CCDC187: variants seen among roughly 807,000 people sequenced by gnomAD.
CCDC187 encodes coiled-coil domain-containing protein 187.
In CCDC187, 32 loss-of-function variants were observed where a neutral mutation model predicts 38.0. That is an observed-to-expected ratio of 0.84 (90% CI 0.64 to 1.13). The LOEUF (loss-of-function observed/expected upper bound fraction) is 1.13, where lower values mean the gene tolerates loss of function less well. Ranked by LOEUF, CCDC187 falls within the 50% of genes most tolerant of loss-of-function variation. The pLI, the probability that CCDC187 is intolerant of heterozygous loss-of-function variation, is 0.00. For synonymous variants in CCDC187, 333 were observed against 347.9 expected, an observed-to-expected ratio of 0.96 and a Z score of 0.48; for missense variants, 707 against 786.8, an observed-to-expected ratio of 0.90 and a Z score of 1.21.
At chr9:136,275,442 C>CCA (rs1232670103) in intron 12 of CCDC187, among the ~76,000 whole-genome samples, 5,351 of 151,776 alleles carry the variant, frequency 0.035, 169 homozygotes, top group Admixed American at 0.12. Flanking sequence ...ATGTGTACTC[C>CCA]CACACACACA....
chr9:136,252,546 G>A lies in CCDC187; in HGVS notation c.*1048C>T, dbSNP rs1174914011. 1 of 197,470 alleles carries A rather than the reference G, an allele frequency of 5.1e-6. No homozygotes were observed. Among genetic ancestry groups the A allele is most frequent in the Non-Finnish European group, 1.1e-5 (1 of 93,574 alleles). The allele number at this position is 197,470 out of a possible 1,614,324, so 12.2% of individuals were successfully genotyped here. On this transcript the variant is annotated 3_prime_UTR_variant, in exon 26 of 26. Coordinates refer to ENST00000638797, the MANE Select transcript of CCDC187 (RefSeq NM_001378188.1). ...CGCCCACCCGGTCCACCGGGGAAAG[G>A]TCCAGGAGACTGTCCCGCACAGCCG...
chr9:136,290,467 A>G lies in CCDC187; in HGVS notation c.2127+19T>C, dbSNP rs1361102462. On this transcript the variant is annotated intron_variant, in intron 6 of 25. Transcript: ENST00000638797. ...CCCATGGCTGAGCCGAGTCCCCCCA[A>G]CCCAACCCCAGCATGTACCCCGGAC... The G allele has an allele frequency of 1.8e-5, 7 of 398,264 alleles. No homozygotes were observed. Among genetic ancestry groups the G allele is most frequent in the African/African-American group, 4.1e-5 (2 of 48,700 alleles). The allele number at this position is 398,264 out of a possible 1,614,324, so 24.7% of individuals were successfully genotyped here. A position where few individuals can be genotyped will look rare whatever the true frequency, so the allele number is the denominator to read the frequency against.
In CCDC187 at chr9:136,257,522, G is replaced by A. The variant is rs557505247; in HGVS notation, c.4367-681C>T. ...GCAGGGGTGGTGCAGAGGGCCGGTG[G>A]GGGGCAGGCCTCGGACACAGCAAGG... On this transcript the variant is annotated intron_variant, in intron 22 of 25. Coordinates refer to ENST00000638797, the MANE Select transcript of CCDC187 (RefSeq NM_001378188.1). The surrounding 1 kb of genome is among the most constrained non-coding windows in gnomAD (Gnocchi z 4.5). Among the ~76,000 whole-genome samples, 297 of 152,252 alleles carry A rather than the reference G, an allele frequency of 2.0e-3. 1 individual carries two copies. The highest frequency in any genetic ancestry group is 6.7e-3 in the African/African-American group (279 of 41,530).
rs2131117235 is a variant in CCDC187 at position 136,257,638 on chromosome 9, C to A, written c.4367-797G>T. Among the ~76,000 whole-genome samples, 1 of 152,280 alleles carries A rather than the reference C, an allele frequency of 6.6e-6. No individual in the cohort carries two copies. The highest frequency in any genetic ancestry group is 2.4e-5 in the African/African-American group (1 of 41,562). ...TCCCCAGGAGCACCAGGCCCCCCAG[C>A]ATTGCACCTCCATCTCCCTAGACTT... is the stretch of plus-strand genomic sequence containing the variant. On this transcript the variant is annotated intron_variant, in intron 22 of 25. Transcript: ENST00000638797. The surrounding 1 kb of genome is among the most constrained non-coding windows in gnomAD (Gnocchi z 4.5).
intron 9 of CCDC187, among the ~76,000 whole-genome samples, 192 bp from the exon 10 acceptor site, chr9:136,281,855 C>T (rs1353313577): frequency 6.6e-6 from 1 of 152,098 alleles, no homozygotes; most frequent in East Asian, 1.9e-4. Context: ...GGCCTGAGGC[C>T]TGGGAGCCAG....
intron 3 of CCDC187, 78 bp from the exon 4 acceptor site, chr9:136,297,899 C>G (rs953918979): frequency 1.0e-5 from 4 of 395,608 alleles, no homozygotes; most frequent in African/African-American, 8.2e-5. Context: ...ACGTGGCTAC[C>G]CCGGGGTCCT....
At chr9:136,289,295 A>G (rs1351585489) in intron 7 of CCDC187, among the ~76,000 whole-genome samples, 1 of 152,086 alleles carries the variant, frequency 6.6e-6, no homozygotes, top group Non-Finnish European at 1.5e-5. Flanking sequence ...AAGCAGGTGG[A>G]TCACCTGAGG....
intron 17 of CCDC187, 156 bp from the exon 18 acceptor site, chr9:136,263,954 G>T: frequency 2.6e-6 from 1 of 378,388 alleles, no homozygotes; most frequent in Non-Finnish European, 3.6e-6. Context: ...CTCCTGCCGG[G>T]CCTAGGATAC....
chr9:136,271,861 C>A (rs1384074612), intron 14 of CCDC187, among the ~76,000 whole-genome samples: 1 of 152,074 alleles, frequency 6.6e-6, no homozygotes, highest in African/African-American at 2.4e-5. Context: ...CCTGCCTGGG[C>A]CTCCCACAGT....
At chr9:136,278,710 T>A (rs1037201781) in intron 10 of CCDC187, among the ~76,000 whole-genome samples, 20,005 of 152,260 alleles carry the variant, frequency 0.13, 1,505 homozygotes, top group Admixed American at 0.2. Flanking sequence ...ACAGGACCCT[T>A]ACCCTCAGTG....
Position 136,250,899 on chromosome 9 carries a change from A to G in CCDC187, c.*2695T>C. ...TGGAGAGGGGCTCTTGCCTCACGGC[A>G]GGGGGCCCAAAGAGGTTCTAAGGGG... On this transcript the variant is annotated 3_prime_UTR_variant, in exon 26 of 26. Transcript: ENST00000638797. The G allele has an allele frequency of 2.2e-6, 1 of 451,914 alleles. No homozygotes were observed. Among genetic ancestry groups the G allele is most frequent in the East Asian group, 7.0e-5 (1 of 14,284 alleles). The allele number at this position is 451,914 out of a possible 1,614,324, so 28.0% of individuals were successfully genotyped here. A position where few individuals can be genotyped will look rare whatever the true frequency, so the allele number is the denominator to read the frequency against.
At chr9:136,298,723 C>A (rs1045447322) in intron 3 of CCDC187, among the ~76,000 whole-genome samples, 11 of 152,250 alleles carry the variant, frequency 7.2e-5, no homozygotes, top group Non-Finnish European at 1.5e-4. Context: ...TGTGATCCCA[C>A]TCTATGCGGT....
intron 7 of CCDC187, 48 bp downstream of exon 7, chr9:136,289,911 C>CA: frequency 7.7e-6 from 3 of 391,728 alleles, no homozygotes; most frequent in South Asian, 1.3e-4. Context: ...TCTTGGCCCC[C>CA]CCCAAGGCCC....
rs906837382 is a variant in CCDC187 at position 136,264,149 on chromosome 9, T to G, written c.3736-351A>C. The G allele has an allele frequency of 6.6e-6, 1 of 152,562 alleles. No individual in the cohort carries two copies. Among genetic ancestry groups the G allele is most frequent in the South Asian group, 2.1e-4 (1 of 4,838 alleles). 9.5% of individuals were successfully genotyped at this position (152,562 alleles called of 1,614,324 possible). A position where few individuals can be genotyped will look rare whatever the true frequency, so the allele number is the denominator to read the frequency against. On this transcript the variant is annotated intron_variant, in intron 17 of 25. Transcript: ENST00000638797. This position sits in a 1 kb window ranked among gnomAD's most constrained non-coding sequence, Gnocchi z 4.3. ...CACTCCTTTACAACTGTTCTTTCTG[T>G]TCCCCACAGCGTCCCTGGTGGACGC...
intron 2 of CCDC187, among the ~76,000 whole-genome samples, chr9:136,301,260 A>G (rs1262556460): frequency 1.3e-5 from 2 of 152,226 alleles, no homozygotes; most frequent in Non-Finnish European, 2.9e-5. Context: ...CATTTTATTC[A>G]TTATTTGTGC....
rs931739827 is a variant in CCDC187 at position 136,254,908 on chromosome 9, G to A, written c.4920C>T (p.Ile1640=). ...GAGAGCTGGAGCTCCCAGAAAGCTG[G>A]ATCAGGGTAGCCGCTGCTTTCTGGA... is the stretch of plus-strand genomic sequence containing the variant. ...WEFQKAAATL[I]QLSGSSSSLP... Residue 1640 remains isoleucine, a synonymous_variant, in exon 26 of 26, where the codon ATC becomes ATT. Transcript: ENST00000638797. 1.8e-5 allele frequency: 18 copies of A among 985,402 alleles called. No individual in the cohort carries two copies. Among genetic ancestry groups the A allele is most frequent in the Non-Finnish European group, 6.0e-6 (5 of 829,984 alleles). The allele number at this position is 985,402 out of a possible 1,614,324, so 61.0% of individuals were successfully genotyped here. A position where few individuals can be genotyped will look rare whatever the true frequency, so the allele number is the denominator to read the frequency against.
At chr9:136,294,016 A>G (rs1405599408) in intron 4 of CCDC187, among the ~76,000 whole-genome samples, 2 of 150,756 alleles carry the variant, frequency 1.3e-5, no homozygotes, top group Admixed American at 6.6e-5. Context: ...ACACGCCCTC[A>G]CATGCTCTCA....
At position 136,257,679 on chromosome 9, in the gene CCDC187, A is replaced by G. The variant is rs1295053216; in HGVS notation, c.4367-838T>C. Reference sequence around the variant, plus strand: ...CCCTAGACTTTCGTTCTGTGGGGTCAGGGGACTCTGAGAGCCAAGGCCACC... The same window carrying G: ...CCCTAGACTTTCGTTCTGTGGGGTCGGGGGACTCTGAGAGCCAAGGCCACC... On this transcript the variant is annotated intron_variant, in intron 22 of 25. Transcript: ENST00000638797. This position sits in a 1 kb window ranked among gnomAD's most constrained non-coding sequence, Gnocchi z 4.5. Among the ~76,000 whole-genome samples, 4 of 152,164 alleles carry G rather than the reference A, an allele frequency of 2.6e-5. No homozygotes were observed. Among genetic ancestry groups the G allele is most frequent in the Non-Finnish European group, 5.9e-5 (4 of 68,004 alleles).
intron 2 of CCDC187, 102 bp downstream of exon 2, chr9:136,302,710 T>C: frequency 2.5e-6 from 1 of 398,078 alleles, no homozygotes; most frequent in Non-Finnish European, 4.4e-6. Context: ...TACACCCGGC[T>C]GGCCCCCACC....
Sources: gnomAD v4.1 joint callset for allele counts (sites outside exome capture counted in the v4.1 genomes callset) on GRCh38, gnomAD v4.1.1 for gene constraint, Gnocchi (gnomAD v3.1) non-coding constraint, MANE v1.5 for transcripts, NCBI Gene and HGNC (gene_info 2026-07-23, HGNC 2026-07-21) for gene names.